The following ZDHHC20 variants were observed in gnomAD, a reference collection of about 807,000 sequenced individuals.
ZDHHC20 encodes the protein palmitoyltransferase ZDHHC20.
A neutral mutation model predicts 57.8 loss-of-function variants in ZDHHC20; 43 were observed. The observed-to-expected ratio is 0.74, with a 90% CI of 0.58 to 0.96. ZDHHC20 has a LOEUF of 0.96. ZDHHC20 is among the 40% of genes least tolerant of loss of function. The probability of loss-of-function intolerance (pLI) is 0.00; values close to 1 mark genes in which losing one functional copy is unlikely to be tolerated. For missense variants in ZDHHC20, 391 were observed against 441.1 expected (o/e 0.89, Z 1.02); for synonymous variants, 157 against 153.0 (o/e 1.03, Z -0.19).
chr13:21,394,540 C>G (rs1397162810), intron 7 of ZDHHC20, among the ~76,000 whole-genome samples: 1 of 152,152 alleles, frequency 6.6e-6, no homozygotes, highest in Non-Finnish European at 1.5e-5. Context: ...ACCTGCCATA[C>G]AGTAAGTACT....
At chr13:21,420,531 G>A (rs1162931683) in intron 3 of ZDHHC20, among the ~76,000 whole-genome samples, 1 of 152,144 alleles carries the variant, frequency 6.6e-6, no homozygotes, top group African/African-American at 2.4e-5. Flanking sequence ...GTCAGCTATG[G>A]AGAGGTAAGA....
At chr13:21,406,626 C>T (rs1367617905) in intron 4 of ZDHHC20, among the ~76,000 whole-genome samples, 2 of 151,082 alleles carry the variant, frequency 1.3e-5, no homozygotes, top group Non-Finnish European at 2.9e-5. Flanking sequence ...TAAGTGAGAA[C>T]ATGCAGTGTT....
chr13:21,417,602 G>A (rs1469882562), intron 3 of ZDHHC20, among the ~76,000 whole-genome samples: 1 of 152,050 alleles, frequency 6.6e-6, no homozygotes, highest in African/African-American at 2.4e-5. Flanking sequence ...ACCACACCCG[G>A]CTAATTTTGT....
chr13:21,439,576 G>A (rs1419608285), intron 1 of ZDHHC20, among the ~76,000 whole-genome samples: 1 of 152,024 alleles, frequency 6.6e-6, no homozygotes, highest in Non-Finnish European at 1.5e-5. Flanking sequence ...TCATGATTAT[G>A]AAATAAAGAC....
chr13:21,447,518 G>A (rs1230571500), intron 1 of ZDHHC20, among the ~76,000 whole-genome samples: 107 of 147,346 alleles, frequency 7.3e-4, no homozygotes, highest in African/African-American at 2.4e-3. Context: ...CCCTAACCGC[G>A]AGTGATCCGC....
At chr13:21,411,170 C>T (rs1305089894) in intron 4 of ZDHHC20, among the ~76,000 whole-genome samples, 2 of 152,192 alleles carry the variant, frequency 1.3e-5, no homozygotes, top group Non-Finnish European at 2.9e-5. Context: ...CCTGCTTCTG[C>T]TCATCCTCTG....
At chr13:21,425,741 T>G in intron 1 of ZDHHC20, 63 bp from the exon 2 acceptor site, 1 of 954,206 alleles carries the variant, frequency 1.0e-6, no homozygotes, top group Non-Finnish European at 1.4e-6. Context: ...AAGTTTTATT[T>G]CAGGTTGAAT....
chr13:21,446,988 G>T (rs893547113), intron 1 of ZDHHC20, among the ~76,000 whole-genome samples: 1 of 152,034 alleles, frequency 6.6e-6, no homozygotes, highest in Non-Finnish European at 1.5e-5. Flanking sequence ...AAGAAAGGAC[G>T]CCAGTCAAGA....
intron 1 of ZDHHC20, 142 bp downstream of exon 1, chr13:21,458,912 C>T (rs912843135): frequency 1.8e-6 from 1 of 554,684 alleles, no homozygotes; most frequent in Non-Finnish European, 3.0e-6. Context: ...GCAGCAACCT[C>T]GGCGCTTCCG....
At chr13:21,401,123 C>T (rs1039965738) in intron 6 of ZDHHC20, among the ~76,000 whole-genome samples, 2 of 151,578 alleles carry the variant, frequency 1.3e-5, no homozygotes, top group Non-Finnish European at 2.9e-5. Context: ...ATTAAAAATA[C>T]AAAAAATCAG....
In ZDHHC20 at chr13:21,402,687, A is replaced by G. The variant is rs1252459810; in HGVS notation, c.440+110T>C. 6 of 856,206 alleles carry G rather than the reference A, an allele frequency of 7.0e-6. No homozygotes were observed. The Admixed American group carries it at 1.2e-4, about 16-fold the overall frequency. 53.0% of individuals were successfully genotyped at this position (856,206 alleles called of 1,614,324 possible). On this transcript the variant is annotated intron_variant, in intron 5 of 12. Transcript: ENST00000400590. ...TATGCACAGCAAATAATGGGAGAGG[A>G]TGAAGTGTTCTTGTCAAGTGTAAAG...
At chr13:21,440,894 AAAAG>A (rs1434859971) in intron 1 of ZDHHC20, among the ~76,000 whole-genome samples, 1 of 152,172 alleles carries the variant, frequency 6.6e-6, no homozygotes, top group African/African-American at 2.4e-5. Flanking sequence ...GTTTAAAAAA[AAAAG>A]AGAGAGAGAG....
chr13:21,382,865 T>C lies in ZDHHC20; in HGVS notation c.944+55A>G, dbSNP rs376929009. 50 of 1,367,590 alleles carry C rather than the reference T, an allele frequency of 3.7e-5. No homozygotes were observed. The African/African-American group carries it at 6.7e-4, about 18-fold the overall frequency. 84.7% of individuals were successfully genotyped at this position (1,367,590 alleles called of 1,614,324 possible). ...ACTCATAAGATGTACACACAACACA[T>C]GTATACGGTTTGCTTTATGATGAAT... On this transcript the variant is annotated intron_variant, in intron 10 of 12. Coordinates refer to ENST00000400590, the MANE Select transcript of ZDHHC20 (RefSeq NM_001330059.2).
At position 21,375,186 on chromosome 13, in the gene ZDHHC20, G is replaced by C. The variant is rs1871868445; in HGVS notation, c.*1510C>G. The C allele has an allele frequency of 2.2e-6, 1 of 456,548 alleles. No homozygotes were observed. Among genetic ancestry groups the C allele is most frequent in the South Asian group, 1.5e-5 (1 of 64,556 alleles). 28.3% of individuals were successfully genotyped at this position (456,548 alleles called of 1,614,324 possible). ...AATGAAAAGTGATTTTGCAAAATTAGGCATCACAGAATGTTAGAAGTCATC... is the reference window on the plus strand; with the variant it reads ...AATGAAAAGTGATTTTGCAAAATTACGCATCACAGAATGTTAGAAGTCATC... On this transcript the variant is annotated 3_prime_UTR_variant, in exon 13 of 13. Coordinates refer to ENST00000400590, the MANE Select transcript of ZDHHC20 (RefSeq NM_001330059.2).
At chr13:21,457,092 C>T (rs1368466256) in intron 1 of ZDHHC20, among the ~76,000 whole-genome samples, 8 of 152,220 alleles carry the variant, frequency 5.3e-5, no homozygotes, top group African/African-American at 1.9e-4. Flanking sequence ...TCTATGCCCA[C>T]TAGCACATGG....
Position 21,373,022 on chromosome 13 carries a change from T to C in ZDHHC20, c.*3674A>G, listed in dbSNP as rs1178582000. On this transcript the variant is annotated 3_prime_UTR_variant, in exon 13 of 13. Transcript: ENST00000400590. ...ATCTATATTACATTTTTAATTTAAA[T>C]TGGAAAATACAGTTTAGATCATATG... 6.6e-6 allele frequency: 1 copy of C among 152,052 alleles called. No individual in the cohort carries two copies. Among genetic ancestry groups the C allele is most frequent in the Non-Finnish European group, 1.5e-5 (1 of 67,952 alleles). 9.4% of individuals were successfully genotyped at this position (152,052 alleles called of 1,614,324 possible).
In ZDHHC20 at chr13:21,382,954, C is replaced by CT; in HGVS notation, c.909dup (p.Ala304SerfsTer8). ...TACTCATTCTGGTTTGTAACAGAAG[C>CT]TTGTTCTGGATCCATCCCCACAAGG... On this transcript the variant is annotated frameshift_variant, in exon 10 of 13. Coordinates refer to ENST00000400590, the MANE Select transcript of ZDHHC20 (RefSeq NM_001330059.2). LOFTEE classifies it high-confidence loss of function. 1 of 1,565,272 alleles carries CT rather than the reference C, an allele frequency of 6.4e-7. No individual in the cohort carries two copies. The highest frequency in any genetic ancestry group is 8.7e-7 in the Non-Finnish European group (1 of 1,153,876).
rs528216942 is a variant in ZDHHC20, at chr13:21,376,770, T to G, written c.*41-115A>C. On this transcript the variant is annotated intron_variant, in intron 12 of 12. Transcript: ENST00000400590. ...GCTACTAATATAACAAGATGGAAAA[T>G]GAATTCCTTAACACTACTAATATTA... 12 of 593,208 alleles carry G rather than the reference T, an allele frequency of 2.0e-5. No homozygotes were observed. In the East Asian group the frequency reaches 4.1e-4, roughly 20 times the overall value. 36.7% of individuals were successfully genotyped at this position (593,208 alleles called of 1,614,324 possible).
intron 1 of ZDHHC20, among the ~76,000 whole-genome samples, chr13:21,428,088 A>G (rs1216934851): frequency 6.6e-6 from 1 of 152,068 alleles, no homozygotes; most frequent in Non-Finnish European, 1.5e-5. Flanking sequence ...CATGGAACAC[A>G]CTCTTAATAT....
Sources: allele counts gnomAD v4.1 joint callset (sites outside exome capture counted in the v4.1 genomes callset), GRCh38; gene constraint gnomAD v4.1.1; transcripts MANE v1.5; gene names NCBI Gene and HGNC (gene_info 2026-07-23, HGNC 2026-07-21).